ADAMTSL1: variants seen among roughly 807,000 people sequenced by gnomAD.
The protein encoded by ADAMTSL1 is ADAMTS-like protein 1.
ADAMTSL1 carries 126 observed loss-of-function variants against 201.8 expected under a neutral mutation model. The observed-to-expected ratio is 0.62, with a 90% CI of 0.54 to 0.72. The LOEUF (loss-of-function observed/expected upper bound fraction) is 0.72. ADAMTSL1 is among the 30% of genes least tolerant of loss of function. The pLI, the probability that ADAMTSL1 is intolerant of heterozygous loss-of-function variation, is 0.00. For missense variants in ADAMTSL1, 2,679 were observed against 2,277.8 expected (o/e 1.18, Z -3.59); for synonymous variants, 1,121 against 903.4 (o/e 1.24, Z -4.32).
At chr9:18,780,765 C>G (rs1821347082) in intron 19 of ADAMTSL1, among the ~76,000 whole-genome samples, 1 of 152,078 alleles carries the variant, frequency 6.6e-6, no homozygotes, top group Admixed American at 6.5e-5. Context: ...CTGGTTTTTA[C>G]TTAACAGCAT....
intron 1 of ADAMTSL1, among the ~76,000 whole-genome samples, chr9:18,079,851 G>A (rs529220003): frequency 1.3e-5 from 2 of 152,258 alleles, no homozygotes; most frequent in South Asian, 4.2e-4. Flanking sequence ...TCCTAAAGGG[G>A]TGATTTTGTT....
chr9:18,195,010 TC>T, intron 2 of ADAMTSL1, among the ~76,000 whole-genome samples: 1 of 152,274 alleles, frequency 6.6e-6, no homozygotes, highest in South Asian at 2.1e-4. Flanking sequence ...AGACTAGTAA[TC>T]AGTCCTTGTT....
rs1475276423 is a variant in ADAMTSL1, at chr9:18,533,211, A to G, written c.192-36A>G. The G allele has an allele frequency of 1.9e-6, 3 of 1,570,216 alleles. No individual in the cohort carries two copies. The Admixed American group carries it at 5.2e-5, about 27-fold the overall frequency. ...ATATTTCTGATTTTGAGCTTTTCAT[A>G]AGTAGTAATATTTCTTTTTTCTTTT... On this transcript the variant is annotated intron_variant, in intron 2 of 28. Transcript: ENST00000380548.
chr9:18,773,657 C>T (rs1417451955), intron 17 of ADAMTSL1, among the ~76,000 whole-genome samples: 1 of 152,206 alleles, frequency 6.6e-6, no homozygotes, highest in African/African-American at 2.4e-5. Flanking sequence ...TTATGGAACA[C>T]AGTTTTAAAA....
intron 1 of ADAMTSL1, among the ~76,000 whole-genome samples, chr9:18,037,746 T>G (rs1478840439): frequency 6.6e-6 from 1 of 152,204 alleles, no homozygotes; most frequent in Non-Finnish European, 1.5e-5. Flanking sequence ...AGAACTCACC[T>G]TTATAACTTC....
At chr9:18,632,079 T>C (rs1455656809) in intron 5 of ADAMTSL1, among the ~76,000 whole-genome samples, 1 of 152,164 alleles carries the variant, frequency 6.6e-6, no homozygotes, top group Non-Finnish European at 1.5e-5. Flanking sequence ...ATGTGGCCCC[T>C]GCCTCGCCAG....
upstream of ADAMTSL1, among the ~76,000 whole-genome samples, chr9:18,470,575 A>T (rs1329396455): frequency 6.6e-6 from 1 of 152,100 alleles, no homozygotes; most frequent in Non-Finnish European, 1.5e-5. Context: ...TTTCCAGGAG[A>T]CCCTGTGTCC....
chr9:18,374,540 C>T (rs566676609), intron 2 of ADAMTSL1, among the ~76,000 whole-genome samples: 26 of 152,054 alleles, frequency 1.7e-4, no homozygotes, highest in African/African-American at 6.0e-4. Context: ...GCCATGTTGC[C>T]CAGGCTGGTC....
At chr9:18,640,851 A>G (rs373496964) in intron 7 of ADAMTSL1, among the ~76,000 whole-genome samples, 7 of 152,036 alleles carry the variant, frequency 4.6e-5, no homozygotes, top group African/African-American at 1.2e-4. Flanking sequence ...AACTAGTACC[A>G]TGGACCCTGA....
At chr9:18,217,232 A>T (rs574662201) in intron 2 of ADAMTSL1, among the ~76,000 whole-genome samples, 3 of 152,308 alleles carry the variant, frequency 2.0e-5, no homozygotes, top group African/African-American at 7.2e-5. Context: ...AAGTGTTTTT[A>T]CATGTTCTAT....
chr9:18,896,300 AAT>A (rs1054703729), intron 26 of ADAMTSL1, among the ~76,000 whole-genome samples: 3 of 152,194 alleles, frequency 2.0e-5, no homozygotes, highest in African/African-American at 7.2e-5. Context: ...ACAAAGAGGG[AAT>A]CTTGAAAGCA....
At chr9:18,883,550 C>T (rs1395733365) in intron 23 of ADAMTSL1, among the ~76,000 whole-genome samples, 2 of 152,278 alleles carry the variant, frequency 1.3e-5, no homozygotes, top group South Asian at 2.1e-4. Flanking sequence ...ATTTTTTCAT[C>T]AACTGAAACT....
At chr9:18,684,863 C>G (rs1830729569) in intron 13 of ADAMTSL1, 63 bp downstream of exon 13, 1 of 1,544,610 alleles carries the variant, frequency 6.5e-7, no homozygotes, top group Non-Finnish European at 8.7e-7. Flanking sequence ...AAAGCAGTGT[C>G]TCACTGGTTG....
At chr9:18,226,836 A>T (rs1402779614) in intron 2 of ADAMTSL1, among the ~76,000 whole-genome samples, 1 of 152,062 alleles carries the variant, frequency 6.6e-6, no homozygotes, top group African/African-American at 2.4e-5. Context: ...AAAAAAATTA[A>T]TAATAGTAAT....
chr9:18,699,462 C>T (rs1261176042), intron 13 of ADAMTSL1, among the ~76,000 whole-genome samples: 1 of 151,616 alleles, frequency 6.6e-6, no homozygotes, highest in African/African-American at 2.4e-5. Flanking sequence ...GTCACTGGGA[C>T]TACAGGTGTG....
chr9:18,078,026 G>T (rs948276916), intron 1 of ADAMTSL1, among the ~76,000 whole-genome samples: 2 of 152,186 alleles, frequency 1.3e-5, no homozygotes, highest in African/African-American at 4.8e-5. Context: ...GGAGGAAGGA[G>T]AGTTGAACTG....
At chr9:18,344,101 G>A (rs1224638812) in intron 2 of ADAMTSL1, among the ~76,000 whole-genome samples, 1 of 152,034 alleles carries the variant, frequency 6.6e-6, no homozygotes, top group African/African-American at 2.4e-5. Flanking sequence ...TGCAGTCCAG[G>A]TCTCACTTTC....
chr9:18,000,371 C>G (rs983581345), intron 1 of ADAMTSL1, among the ~76,000 whole-genome samples: 2 of 151,886 alleles, frequency 1.3e-5, no homozygotes, highest in Admixed American at 1.3e-4. Context: ...TAATTATTTT[C>G]TTCTCTAATA....
intron 1 of ADAMTSL1, among the ~76,000 whole-genome samples, chr9:18,083,354 C>A (rs1823599948): frequency 6.6e-6 from 1 of 152,118 alleles, no homozygotes; most frequent in Non-Finnish European, 1.5e-5. Flanking sequence ...TGGAGATATT[C>A]ATCTAAAATT....
Sources: allele counts gnomAD v4.1 joint callset (sites outside exome capture counted in the v4.1 genomes callset), GRCh38; gene constraint gnomAD v4.1.1; transcripts MANE v1.5; gene names NCBI Gene and HGNC (gene_info 2026-07-23, HGNC 2026-07-21).